Variants in CYP11A1 observed in about 807,000 individuals in gnomAD.
CYP11A1 encodes cholesterol side-chain cleavage enzyme, mitochondrial.
In CYP11A1, 25 loss-of-function variants were observed where a neutral mutation model predicts 51.9. The observed-to-expected ratio is 0.48, with a 90% CI of 0.35 to 0.67. CYP11A1 has a LOEUF of 0.67. Ranked by LOEUF, CYP11A1 falls within the 30% of genes least tolerant of loss-of-function variation. The pLI is 0.00. For synonymous variants in CYP11A1, 245 were observed against 262.1 expected (o/e 0.93, Z 0.63); for missense variants, 578 against 680.9 (o/e 0.85, Z 1.68).
At chr15:74,339,800 C>T (rs1157499652) in intron 5 of CYP11A1, 47 bp from the exon 6 acceptor site, 17 of 1,602,222 alleles carry the variant, frequency 1.1e-5, no homozygotes, top group African/African-American at 2.7e-5. Flanking sequence ...CCTGTCACTC[C>T]GGGGCCCCTT....
At chr15:74,364,970 G>C (rs147438713) in intron 1 of CYP11A1, among the ~76,000 whole-genome samples, 1 of 152,240 alleles carries the variant, frequency 6.6e-6, no homozygotes, top group African/African-American at 2.4e-5. Context: ...GGAGTTGTGA[G>C]AGAGGGAGGG....
At position 74,345,400 on chromosome 15, in the gene CYP11A1, T is replaced by TCACCTCCTCC. The variant is rs1596160704; in HGVS notation, c.426-158_426-157insGGAGGAGGTG. On this transcript the variant is annotated intron_variant, in intron 2 of 8. Coordinates refer to ENST00000268053, the MANE Select transcript of CYP11A1 (RefSeq NM_000781.3). The surrounding 1 kb of genome is among the most constrained non-coding windows in gnomAD (Gnocchi z 4.3). ...TGCCCTCACCTCTCCGAGCACCCTCTGCCTCTCACCTCCTCCCTGCTCTGC... is the reference window on the plus strand; with the variant it reads ...TGCCCTCACCTCTCCGAGCACCCTCTCACCTCCTCCGCCTCTCACCTCCTCCCTGCTCTGC... The TCACCTCCTCC allele has an allele frequency of 4.1e-6, 3 of 728,088 alleles. No individual in the cohort carries two copies. In the East Asian group the frequency reaches 8.1e-5, roughly 20 times the overall value. 45.1% of individuals were successfully genotyped at this position (728,088 alleles called of 1,614,324 possible).
chr15:74,342,240 GC>G (rs1326517652), intron 5 of CYP11A1, among the ~76,000 whole-genome samples: 1 of 152,090 alleles, frequency 6.6e-6, no homozygotes, highest in Admixed American at 6.6e-5. Flanking sequence ...CCACCACCAG[GC>G]CCAGCTAATT....
At chr15:74,359,864 A>G (rs1046718902) in intron 1 of CYP11A1, among the ~76,000 whole-genome samples, 4 of 152,188 alleles carry the variant, frequency 2.6e-5, no homozygotes, top group African/African-American at 4.8e-5. Flanking sequence ...CTTTCCCTCT[A>G]TGCAAACTGG....
intron 1 of CYP11A1, among the ~76,000 whole-genome samples, chr15:74,352,085 TAAGTAA>T (rs2060658919): frequency 1.3e-5 from 2 of 152,166 alleles, no homozygotes; most frequent in African/African-American, 4.8e-5. Flanking sequence ...AATTGCCTTA[TAAGTAA>T]AAGAGCACTC....
At chr15:74,346,277 C>T (rs1010742889) in intron 2 of CYP11A1, among the ~76,000 whole-genome samples, 1 of 144,634 alleles carries the variant, frequency 6.9e-6, no homozygotes, top group Non-Finnish European at 1.5e-5. Context: ...CACTTGAACC[C>T]GGGAGGCGGA....
At chr15:74,353,529 A>C (rs1224625035) in intron 1 of CYP11A1, among the ~76,000 whole-genome samples, 1 of 152,204 alleles carries the variant, frequency 6.6e-6, no homozygotes, top group Non-Finnish European at 1.5e-5. Context: ...CTTATTGGTC[A>C]TACGCCTAAA....
At chr15:74,347,053 G>T (rs1012687318) in intron 2 of CYP11A1, among the ~76,000 whole-genome samples, 2 of 151,966 alleles carry the variant, frequency 1.3e-5, no homozygotes, top group East Asian at 3.9e-4. Context: ...CAATCTGTCC[G>T]CCTTGGCCTC....
chr15:74,338,874 C>G, intron 7 of CYP11A1, 106 bp from the exon 8 acceptor site: 1 of 1,023,082 alleles, frequency 9.8e-7, no homozygotes, highest in Non-Finnish European at 1.5e-6. Flanking sequence ...CTCCCACTCC[C>G]CAGCATGGCT....
At chr15:74,338,870 C>T in intron 7 of CYP11A1, 102 bp from the exon 8 acceptor site, 5 of 1,074,504 alleles carry the variant, frequency 4.7e-6, no homozygotes, top group African/African-American at 1.6e-5. Flanking sequence ...ACCACTCCCA[C>T]TCCCCAGCAT....
At position 74,357,736 on chromosome 15, in the gene CYP11A1, T is replaced by G. The variant is rs575006856; in HGVS notation, c.269+9581A>C. Among the ~76,000 whole-genome samples, 12 of 152,322 alleles carry G rather than the reference T, an allele frequency of 7.9e-5. No individual in the cohort carries two copies. In the East Asian group the frequency reaches 2.1e-3, roughly 27 times the overall value. On this transcript the variant is annotated intron_variant, in intron 1 of 8. Transcript: ENST00000268053. ...AGGACCGCGCCCGGCAGCCTTTCTA[T>G]CCAAACAACTTGACCTTACTGTTTT...
intron 1 of CYP11A1, chr15:74,367,094 T>A: frequency 1.7e-6 from 1 of 597,000 alleles, no homozygotes; most frequent in Non-Finnish European, 2.9e-6. Flanking sequence ...CAAAAGTAGA[T>A]GTCTGGTTTA....
At position 74,345,339 on chromosome 15, in the gene CYP11A1, A is replaced by T; in HGVS notation, c.426-96T>A. ...CTCAGTTTTCCCAGGAAGCTGAGTC[A>T]CAGCTCACAGCATCCAGCACTCCCA... On this transcript the variant is annotated intron_variant, in intron 2 of 8. Coordinates refer to ENST00000268053, the MANE Select transcript of CYP11A1 (RefSeq NM_000781.3). This position sits in a 1 kb window ranked among gnomAD's most constrained non-coding sequence, Gnocchi z 4.3. 2 of 1,324,900 alleles carry T rather than the reference A, an allele frequency of 1.5e-6. No individual in the cohort carries two copies. Among genetic ancestry groups the T allele is most frequent in the Non-Finnish European group, 2.1e-6 (2 of 934,458 alleles). The allele number at this position is 1,324,900 out of a possible 1,614,324, so 82.1% of individuals were successfully genotyped here. A position where few individuals can be genotyped will look rare whatever the true frequency, so the allele number is the denominator to read the frequency against.
At position 74,345,485 on chromosome 15, in the gene CYP11A1, T is replaced by A. The variant is rs1236386719; in HGVS notation, c.426-242A>T. On this transcript the variant is annotated intron_variant, in intron 2 of 8. Coordinates refer to ENST00000268053, the MANE Select transcript of CYP11A1 (RefSeq NM_000781.3). This position sits in a 1 kb window ranked among gnomAD's most constrained non-coding sequence, Gnocchi z 4.3. ...AAGGGGAACAAAACTCCAACTCCCC[T>A]CCACTCCCTCTGCTGAGGGCCAGGA... Among the ~76,000 whole-genome samples, 2 of 152,084 alleles carry A rather than the reference T, an allele frequency of 1.3e-5. No homozygotes were observed. Among genetic ancestry groups the A allele is most frequent in the Admixed American group, 1.3e-4 (2 of 15,282 alleles).
Position 74,338,703 on chromosome 15 carries a change from AT to A in CYP11A1, c.1301del (p.Asn434IlefsTer8). 6.2e-7 allele frequency: 1 copy of A among 1,614,122 alleles called. No homozygotes were observed. The highest frequency in any genetic ancestry group is 8.5e-7 in the Non-Finnish European group (1 of 1,180,010). ...TGCTCAGCCATCGGGTTGGGTCAAA[AT>A]TTTCCGGGTCGAAGAAGAAGGTGGG... ...REPTFFFDPE[N>X]FDPTRWLSKD... is the part of the protein sequence containing the mutation. On this transcript the variant is annotated frameshift_variant, in exon 8 of 9. Transcript: ENST00000268053. LOFTEE classifies it high-confidence loss of function.
At chr15:74,338,268 C>T in intron 8 of CYP11A1, 165 bp from the exon 9 acceptor site, 1 of 817,690 alleles carries the variant, frequency 1.2e-6, no homozygotes, top group Non-Finnish European at 2.0e-6. Flanking sequence ...ATAATGCACC[C>T]TTAGTGCTGC....
intron 4 of CYP11A1, among the ~76,000 whole-genome samples, 162 bp downstream of exon 4, chr15:74,343,627 G>A (rs926116271): frequency 5.3e-5 from 8 of 152,106 alleles, no homozygotes; most frequent in East Asian, 1.9e-4. Context: ...CCTTCCATCC[G>A]CCATTTCCAG....
At chr15:74,366,906 G>A (rs918530271) in intron 1 of CYP11A1, 1 of 195,922 alleles carries the variant, frequency 5.1e-6, no homozygotes, top group Non-Finnish European at 1.1e-5. Flanking sequence ...AGTAGAGACG[G>A]GGTTTCATCA....
At chr15:74,360,652 C>T (rs1389736424) in intron 1 of CYP11A1, among the ~76,000 whole-genome samples, 2 of 151,688 alleles carry the variant, frequency 1.3e-5, no homozygotes, top group East Asian at 2.0e-4. Context: ...CCTGTAATCC[C>T]AGCATTTGGG....
Sources: gnomAD v4.1 joint callset for allele counts (sites outside exome capture counted in the v4.1 genomes callset) on GRCh38, gnomAD v4.1.1 for gene constraint, Gnocchi (gnomAD v3.1) non-coding constraint, MANE v1.5 for transcripts, NCBI Gene and HGNC (gene_info 2026-07-23, HGNC 2026-07-21) for gene names.